RSRC1: variants seen among roughly 807,000 people sequenced by gnomAD.
RSRC1 encodes the protein arginine and serine rich coiled-coil 1.
Under a neutral mutation model 49.1 loss-of-function variants are expected in RSRC1, and 39 were observed. That is an observed-to-expected ratio of 0.79 (90% confidence interval 0.61 to 1.04). RSRC1 has a LOEUF of 1.04. RSRC1 is among the 50% of genes least tolerant of loss of function. The pLI, the probability that RSRC1 is intolerant of heterozygous loss-of-function variation, is 0.00. For missense variants in RSRC1, 388 were observed against 402.4 expected (o/e 0.96, Z 0.31); for synonymous variants, 143 against 130.8 (o/e 1.09, Z -0.63).
chr3:158,379,422 G>A (rs1192474390), intron 6 of RSRC1, among the ~76,000 whole-genome samples: 11 of 151,920 alleles, frequency 7.2e-5, no homozygotes, highest in Non-Finnish European at 8.8e-5. Flanking sequence ...GGATGGTCTC[G>A]ATCTCCTGAC....
chr3:158,189,261 A>G (rs1720090852), intron 3 of RSRC1, among the ~76,000 whole-genome samples: 1 of 151,934 alleles, frequency 6.6e-6, no homozygotes, highest in Admixed American at 6.6e-5. Context: ...AGAAAATATT[A>G]TAGGTACATT....
chr3:158,323,936 A>T lies in RSRC1; in HGVS notation c.531+25861A>T, dbSNP rs1254472152. 3.3e-5 allele frequency among the ~76,000 whole-genome samples: 4 copies of T among 120,532 alleles called. No individual in the cohort carries two copies. In the East Asian group the frequency reaches 1.2e-3, roughly 36 times the overall value. 79.1% of individuals were successfully genotyped at this position (120,532 alleles called of 152,430 possible). On this transcript the variant is annotated intron_variant, in intron 5 of 9. Transcript: ENST00000611884. ...ATTCTGTGCATCCGTACTATAGTAC[A>T]CATTATATATACACAGAGAGAGACA...
chr3:158,117,342 A>G (rs975244335), intron 1 of RSRC1, among the ~76,000 whole-genome samples: 2 of 152,156 alleles, frequency 1.3e-5, no homozygotes, highest in Non-Finnish European at 1.5e-5. Flanking sequence ...TGTCACCCAG[A>G]CTAGAGTGCA....
chr3:158,233,721 A>T (rs888861383), intron 4 of RSRC1, among the ~76,000 whole-genome samples: 1 of 152,114 alleles, frequency 6.6e-6, no homozygotes, highest in Non-Finnish European at 1.5e-5. Context: ...ACAACCCCTG[A>T]TCATTTCTTT....
chr3:158,173,098 A>G (rs772641863), intron 3 of RSRC1, among the ~76,000 whole-genome samples: 2 of 152,038 alleles, frequency 1.3e-5, no homozygotes, highest in Admixed American at 6.6e-5. Context: ...ATCTGTGATT[A>G]TTTACATATA....
chr3:158,224,568 T>G (rs1488507176), intron 4 of RSRC1, among the ~76,000 whole-genome samples: 1 of 151,854 alleles, frequency 6.6e-6, no homozygotes, highest in East Asian at 1.9e-4. Context: ...TAAATCCATA[T>G]TCCAGGAATT....
chr3:158,314,205 C>T (rs1175085536), intron 5 of RSRC1, among the ~76,000 whole-genome samples: 1 of 152,128 alleles, frequency 6.6e-6, no homozygotes, highest in Non-Finnish European at 1.5e-5. Flanking sequence ...ATTCTCCTGC[C>T]TCAACCTCCT....
In RSRC1 at chr3:158,118,675, T is replaced by C. The variant is rs368988546; in HGVS notation, c.-2-3428T>C. On this transcript the variant is annotated intron_variant, in intron 1 of 9. Coordinates refer to ENST00000611884, the MANE Select transcript of RSRC1 (RefSeq NM_001271838.2). ...TCTTTCTGTTTTAGTTTCTGTCTTT[T>C]ATGGTGAAGGCTTTCATCATGTTTG... Among the ~76,000 whole-genome samples, 10 of 152,348 alleles carry C rather than the reference T, an allele frequency of 6.6e-5. No homozygotes were observed. In the East Asian group the frequency reaches 1.7e-3, roughly 26 times the overall value.
intron 4 of RSRC1, among the ~76,000 whole-genome samples, chr3:158,209,192 T>G (rs779464433): frequency 6.6e-6 from 1 of 152,178 alleles, no homozygotes; most frequent in Non-Finnish European, 1.5e-5. Flanking sequence ...TGATCCAAAT[T>G]GCGGCAGTGT....
At chr3:158,518,331 A>G (rs530721016) in intron 7 of RSRC1, among the ~76,000 whole-genome samples, 2 of 149,822 alleles carry the variant, frequency 1.3e-5, no homozygotes, top group Admixed American at 1.3e-4. Flanking sequence ...TGAACGTTTG[A>G]TAGAACTTTT....
intron 6 of RSRC1, among the ~76,000 whole-genome samples, chr3:158,376,642 G>A (rs528609733): frequency 7.0e-4 from 107 of 152,216 alleles, no homozygotes; most frequent in African/African-American, 2.5e-3. Context: ...GCTCATCTCC[G>A]TTGTCTCCTG....
intron 4 of RSRC1, among the ~76,000 whole-genome samples, chr3:158,231,611 A>G (rs1722964760): frequency 6.6e-6 from 1 of 152,140 alleles, no homozygotes; most frequent in Non-Finnish European, 1.5e-5. Context: ...AAGGTCTAAT[A>G]TGGTCCTTTT....
At chr3:158,358,577 G>GT (rs1378206325) in intron 6 of RSRC1, among the ~76,000 whole-genome samples, 1 of 151,998 alleles carries the variant, frequency 6.6e-6, no homozygotes, top group African/African-American at 2.4e-5. Context: ...ACAGATGTGT[G>GT]TTTTTTTCTA....
At chr3:158,543,226 C>T (rs1379102244) in intron 8 of RSRC1, 109 bp from the exon 9 acceptor site, 18 of 860,898 alleles carry the variant, frequency 2.1e-5, no homozygotes, top group Non-Finnish European at 2.9e-5. Context: ...AGATGGGTAT[C>T]ATCTCAAAGG....
At chr3:158,221,142 C>A (rs965039027) in intron 4 of RSRC1, among the ~76,000 whole-genome samples, 1 of 151,432 alleles carries the variant, frequency 6.6e-6, no homozygotes, top group Non-Finnish European at 1.5e-5. Flanking sequence ...AATCTTTAGT[C>A]GGTTTCTACT....
At chr3:158,259,998 C>T (rs1724798182) in intron 4 of RSRC1, among the ~76,000 whole-genome samples, 1 of 152,086 alleles carries the variant, frequency 6.6e-6, no homozygotes, top group Admixed American at 6.5e-5. Flanking sequence ...TGGCCCAAGG[C>T]AGGTCCAGAA....
intron 6 of RSRC1, among the ~76,000 whole-genome samples, chr3:158,390,168 T>A (rs1578418295): frequency 6.6e-6 from 1 of 152,166 alleles, no homozygotes; most frequent in Non-Finnish European, 1.5e-5. Flanking sequence ...TGTTGAGTGT[T>A]TGTATAGACC....
chr3:158,154,318 A>C (rs1717728830), intron 3 of RSRC1, among the ~76,000 whole-genome samples: 1 of 152,132 alleles, frequency 6.6e-6, no homozygotes, highest in Non-Finnish European at 1.5e-5. Context: ...CTGCCCACTG[A>C]TCATGGTGGC....
intron 4 of RSRC1, among the ~76,000 whole-genome samples, chr3:158,253,580 C>A (rs1469540310): frequency 6.6e-6 from 1 of 151,972 alleles, no homozygotes. Flanking sequence ...CAATTAGGTC[C>A]GTTTCCTGGA....
Sources: gnomAD v4.1 joint callset for allele counts (sites outside exome capture counted in the v4.1 genomes callset) on GRCh38, gnomAD v4.1.1 for gene constraint, MANE v1.5 for transcripts, NCBI Gene and HGNC (gene_info 2026-07-23, HGNC 2026-07-21) for gene names.